Variants in NPAS2 observed in about 807,000 individuals in gnomAD.
The protein encoded by NPAS2 is neuronal PAS domain-containing protein 2.
NPAS2 carries 23 observed loss-of-function variants against 107.5 expected under a neutral mutation model. That is an observed-to-expected ratio of 0.21 (90% confidence interval 0.15 to 0.30). The LOEUF (loss-of-function observed/expected upper bound fraction) is 0.30. NPAS2 is among the 10% of genes least tolerant of loss of function. The probability of loss-of-function intolerance (pLI) is 1.00; values close to 1 mark genes in which losing one functional copy is unlikely to be tolerated. For synonymous variants in NPAS2, 403 were observed against 417.5 expected, an observed-to-expected ratio of 0.97 and a Z score of 0.42; for missense variants, 756 against 1,043.3, an observed-to-expected ratio of 0.72 and a Z score of 3.79.
intron 7 of NPAS2, among the ~76,000 whole-genome samples, chr2:100,954,002 C>T (rs1373815047): frequency 6.6e-6 from 1 of 152,314 alleles, no homozygotes; most frequent in South Asian, 2.1e-4. Flanking sequence ...GCACACATGG[C>T]CCACCATGCA....
At chr2:100,880,227 T>A (rs1418194270) in intron 1 of NPAS2, among the ~76,000 whole-genome samples, 1 of 152,234 alleles carries the variant, frequency 6.6e-6, no homozygotes, top group Non-Finnish European at 1.5e-5. Context: ...CTCAAACCGT[T>A]AAAACATAGA....
intron 1 of NPAS2, among the ~76,000 whole-genome samples, chr2:100,868,893 A>G (rs1206455860): frequency 6.6e-6 from 1 of 152,116 alleles, no homozygotes; most frequent in East Asian, 1.9e-4. Flanking sequence ...CTTTATTTTT[A>G]AGCCTCATGT....
At chr2:100,908,319 G>T (rs1682301245) in intron 2 of NPAS2, among the ~76,000 whole-genome samples, 1 of 152,056 alleles carries the variant, frequency 6.6e-6, no homozygotes, top group Non-Finnish European at 1.5e-5. Flanking sequence ...AGCGCTCACA[G>T]CCTGCCTGGA....
intron 7 of NPAS2, among the ~76,000 whole-genome samples, chr2:100,955,086 CA>C (rs1385699578): frequency 3.3e-5 from 5 of 152,158 alleles, no homozygotes; most frequent in African/African-American, 1.2e-4. Flanking sequence ...TCATGTTTGC[CA>C]GGGTGGTCTC....
At chr2:100,848,603 T>C (rs944752236) in intron 1 of NPAS2, among the ~76,000 whole-genome samples, 1 of 152,184 alleles carries the variant, frequency 6.6e-6, no homozygotes, top group Non-Finnish European at 1.5e-5. Context: ...GAGGAATACA[T>C]ACGTGCCATC....
chr2:100,918,322 T>G (rs1683014155), intron 2 of NPAS2, among the ~76,000 whole-genome samples: 1 of 152,148 alleles, frequency 6.6e-6, no homozygotes, highest in African/African-American at 2.4e-5. Flanking sequence ...ATAGAAAGTC[T>G]TTGTAGTCTA....
intron 2 of NPAS2, among the ~76,000 whole-genome samples, chr2:100,905,762 G>A (rs1682110031): frequency 6.6e-6 from 1 of 152,160 alleles, no homozygotes; most frequent in African/African-American, 2.4e-5. Flanking sequence ...GAGCTAAAGG[G>A]TTTGCCCACT....
At chr2:100,862,087 G>GAAATTAAAAAAATTAT (rs1196260056) in intron 1 of NPAS2, among the ~76,000 whole-genome samples, 3 of 152,110 alleles carry the variant, frequency 2.0e-5, no homozygotes, top group Non-Finnish European at 4.4e-5. Flanking sequence ...AATAGATTGT[G>GAAATTAAAAAAATTAT]GATAAAGAAT....
At chr2:100,916,961 T>C (rs952819824) in intron 2 of NPAS2, among the ~76,000 whole-genome samples, 119 of 152,208 alleles carry the variant, frequency 7.8e-4, no homozygotes, top group African/African-American at 2.8e-3. Context: ...TATTAGAAAA[T>C]ATTTTAGCTA....
chr2:100,947,369 G>A (rs943503914), intron 5 of NPAS2, among the ~76,000 whole-genome samples: 3 of 152,024 alleles, frequency 2.0e-5, no homozygotes, highest in Non-Finnish European at 2.9e-5. Context: ...TGGCCAACAC[G>A]GTGAAACCCG....
At chr2:100,844,051 G>C (rs780349729) in intron 1 of NPAS2, among the ~76,000 whole-genome samples, 1 of 152,232 alleles carries the variant, frequency 6.6e-6, no homozygotes, top group Non-Finnish European at 1.5e-5. Flanking sequence ...GCTGCCCATA[G>C]TACACAGACT....
At chr2:100,977,860 G>C (rs1202706954) in intron 15 of NPAS2, 61 bp downstream of exon 15, 1 of 1,411,044 alleles carries the variant, frequency 7.1e-7, no homozygotes, top group East Asian at 2.3e-5. Context: ...AGTGTGCTGC[G>C]CTGATGGTCT....
intron 1 of NPAS2, among the ~76,000 whole-genome samples, chr2:100,844,396 T>C (rs1242802719): frequency 6.6e-6 from 1 of 152,156 alleles, no homozygotes; most frequent in African/African-American, 2.4e-5. Context: ...TTTCAGAGAA[T>C]TAGAAGAAAT....
At chr2:100,894,507 A>G (rs1166637519) in intron 1 of NPAS2, among the ~76,000 whole-genome samples, 1 of 152,000 alleles carries the variant, frequency 6.6e-6, no homozygotes, top group Non-Finnish European at 1.5e-5. Context: ...TCCCCTTACT[A>G]CTTCCCATTC....
At chr2:100,849,000 C>T (rs764330932) in intron 1 of NPAS2, among the ~76,000 whole-genome samples, 3 of 152,250 alleles carry the variant, frequency 2.0e-5, no homozygotes, top group Non-Finnish European at 4.4e-5. Context: ...CATCCAGCTA[C>T]GTTTTCTGTG....
intron 1 of NPAS2, among the ~76,000 whole-genome samples, chr2:100,835,739 A>G (rs954817957): frequency 2.0e-5 from 3 of 152,092 alleles, no homozygotes; most frequent in Non-Finnish European, 4.4e-5. Flanking sequence ...CCTGGACCAC[A>G]TTTGTCAAAC....
At chr2:100,964,212 G>A (rs765157814) in intron 8 of NPAS2, 36 bp downstream of exon 8, 2 of 1,305,042 alleles carry the variant, frequency 1.5e-6, no homozygotes, top group Admixed American at 3.4e-5. Context: ...GTGCGGAGCT[G>A]TTATGATTGA....
chr2:100,979,189 C>T (rs1168520176), intron 15 of NPAS2, among the ~76,000 whole-genome samples: 1 of 152,070 alleles, frequency 6.6e-6, no homozygotes, highest in Non-Finnish European at 1.5e-5. Context: ...AAAAGCTACC[C>T]TTCTGGAATC....
chr2:100,896,221 A>G (rs937469783), intron 1 of NPAS2, among the ~76,000 whole-genome samples: 1 of 152,180 alleles, frequency 6.6e-6, no homozygotes, highest in Non-Finnish European at 1.5e-5. Flanking sequence ...GAATGAGGGG[A>G]ACGGGCTCAT....
Sources: gnomAD v4.1 joint callset for allele counts (sites outside exome capture counted in the v4.1 genomes callset) on GRCh38, gnomAD v4.1.1 for gene constraint, MANE v1.5 for transcripts, NCBI Gene and HGNC (gene_info 2026-07-23, HGNC 2026-07-21) for gene names.